The following BIRC6 variants were observed in gnomAD, a reference collection of about 807,000 sequenced individuals.
The protein encoded by BIRC6 is dual E2 ubiquitin-conjugating enzyme/E3 ubiquitin-protein ligase BIRC6.
In BIRC6, 98 loss-of-function variants were observed where a neutral mutation model predicts 503.3. The ratio of observed to expected loss-of-function variants is 0.19; its 90% CI spans 0.17 to 0.23. BIRC6 has a LOEUF of 0.23. Among genes scored for constraint, BIRC6 ranks in the 10% least tolerant of loss-of-function variants. The pLI is 1.00. For synonymous variants in BIRC6, 2,240 were observed against 2,078.7 expected, an observed-to-expected ratio of 1.08 and a Z score of -2.11; for missense variants, 5,360 against 5,806.0, an observed-to-expected ratio of 0.92 and a Z score of 2.50.
At chr2:32,369,972 ATATATATATATATG>A (rs1367510726) in intron 1 of BIRC6, among the ~76,000 whole-genome samples, 885 of 64,664 alleles carry the variant, frequency 0.014, 29 homozygotes, top group African/African-American at 0.026. Flanking sequence ...ATATATATAT[ATATATATATATATG>A]TATGTATGTA....
chr2:32,397,802 A>G (rs2040138367), intron 6 of BIRC6, among the ~76,000 whole-genome samples: 1 of 152,068 alleles, frequency 6.6e-6, no homozygotes, highest in Non-Finnish European at 1.5e-5. Flanking sequence ...GTTATACAGT[A>G]TTATCAAATA....
Position 32,500,041 on chromosome 2 carries a change from A to T in BIRC6, c.8963A>T (p.Gln2988Leu), listed in dbSNP as rs1242758057. 6.2e-7 allele frequency: 1 copy of T among 1,613,900 alleles called. No individual in the cohort carries two copies. The highest frequency in any genetic ancestry group is 2.2e-5 in the East Asian group (1 of 44,900). ...AYVADLVLANQQIMSQILSAL... is the reference protein window; with the variant it reads ...AYVADLVLANLQIMSQILSAL... The stretch of plus-strand genomic sequence containing the variant: ...GTTGCTGACTTAGTCTTAGCCAACC[A>T]ACAAATTATGAGCCAGATTTTGTCT... The change falls in exon 46 of 74, where the codon CAA becomes CTA. Residue 2988 changes from glutamine (Q) to leucine (L), a missense_variant. Coordinates refer to ENST00000421745, the MANE Select transcript of BIRC6 (RefSeq NM_016252.4).
intron 8 of BIRC6, among the ~76,000 whole-genome samples, chr2:32,403,621 T>C (rs1173031678): frequency 6.6e-6 from 1 of 152,196 alleles, no homozygotes; most frequent in Non-Finnish European, 1.5e-5. Context: ...TTTATGGGAT[T>C]GCTGTAAACC....
At chr2:32,414,689 A>G in intron 9 of BIRC6, 80 bp from the exon 10 acceptor site, 1 of 1,002,316 alleles carries the variant, frequency 1.0e-6, no homozygotes, top group East Asian at 2.9e-5. Flanking sequence ...ATAAATAAAT[A>G]AATAATTTTA....
At chr2:32,611,603 G>A in intron 73 of BIRC6, 21 bp downstream of exon 73, 1 of 1,531,912 alleles carries the variant, frequency 6.5e-7, no homozygotes, top group African/African-American at 1.4e-5. Context: ...CTCTCTAACA[G>A]GAGCCTTGTT....
chr2:32,430,805 CTTTT>C (rs370529825), intron 11 of BIRC6, 56 bp from the exon 12 acceptor site: 1,157 of 482,290 alleles, frequency 2.4e-3, no homozygotes, highest in East Asian at 3.5e-3. Flanking sequence ...TCATTGTCTT[CTTTT>C]TTTTTTTTTT....
intron 26 of BIRC6, among the ~76,000 whole-genome samples, chr2:32,467,236 A>G (rs1162974339): frequency 6.6e-6 from 1 of 152,104 alleles, no homozygotes; most frequent in Non-Finnish European, 1.5e-5. Context: ...GGCTCAAGCA[A>G]TTCTCCTGTC....
chr2:32,594,930 G>T, intron 67 of BIRC6, 104 bp from the exon 68 acceptor site: 1 of 640,958 alleles, frequency 1.6e-6, no homozygotes, highest in Non-Finnish European at 2.5e-6. Flanking sequence ...ACAATTTTTT[G>T]GAATTCACAA....
chr2:32,401,860 A>T (rs554456574), intron 8 of BIRC6, among the ~76,000 whole-genome samples: 3 of 152,334 alleles, frequency 2.0e-5, no homozygotes, highest in South Asian at 2.1e-4. Flanking sequence ...GTCAATTGGA[A>T]ATAATTGCCA....
chr2:32,615,216 T>A (rs1381326355), intron 73 of BIRC6, among the ~76,000 whole-genome samples: 4 of 152,144 alleles, frequency 2.6e-5, no homozygotes, highest in Non-Finnish European at 5.9e-5. Flanking sequence ...AACACAGGGA[T>A]TACATTTCAA....
Position 32,468,620 on chromosome 2 carries a change from T to C in BIRC6, c.5964T>C (p.His1988=), listed in dbSNP as rs750030542. ...TACAGCTTCAACTAAATTTGGCTCA[T>C]AATGCAGTGCAGAGGCTCAAAGTGG... is the stretch of plus-strand genomic sequence containing the variant. ...IQLQLQLNLA[H]NAVQRLKVAL... Residue 1988 remains histidine (H), a synonymous_variant, in exon 29 of 74, where the codon CAT becomes CAC. Coordinates refer to ENST00000421745, the MANE Select transcript of BIRC6 (RefSeq NM_016252.4). 2.5e-6 allele frequency: 4 copies of C among 1,614,004 alleles called. No individual in the cohort carries two copies. The highest frequency in any genetic ancestry group is 3.3e-5 in the Admixed American group (2 of 60,020).
chr2:32,447,330 C>T (rs1335002316), intron 21 of BIRC6, among the ~76,000 whole-genome samples: 14 of 146,164 alleles, frequency 9.6e-5, no homozygotes, highest in Admixed American at 1.4e-4. Context: ...TAGGGGCGGC[C>T]GGGCAGAAGC....
intron 1 of BIRC6, among the ~76,000 whole-genome samples, chr2:32,367,660 AC>A (rs1333941939): frequency 6.6e-6 from 1 of 151,840 alleles, no homozygotes; most frequent in Non-Finnish European, 1.5e-5. Flanking sequence ...TACTAAAAAT[AC>A]AAAAATTAGC....
In BIRC6 at chr2:32,578,523, C is replaced by T. The variant is rs148345953; in HGVS notation, c.13355+3157C>T. Among the ~76,000 whole-genome samples the T allele has an allele frequency of 6.6e-5, 10 of 152,210 alleles. No homozygotes were observed. In the East Asian group the frequency reaches 1.9e-3, roughly 29 times the overall value. ...AAATGCTGTGTATCACGGCCGGGTG[C>T]AGTGGCTCACGGCTGTAATCCCAGC... On this transcript the variant is annotated intron_variant, in intron 66 of 73. Transcript: ENST00000421745.
intron 65 of BIRC6, among the ~76,000 whole-genome samples, chr2:32,555,914 CAAAAA>C (rs372061622): frequency 1.2e-5 from 1 of 86,058 alleles, no homozygotes; most frequent in African/African-American, 4.3e-5. Context: ...GACCCTATCT[CAAAAA>C]AAAAAAAAAA....
intron 23 of BIRC6, among the ~76,000 whole-genome samples, chr2:32,461,843 G>A (rs1050650706): frequency 2.0e-5 from 3 of 151,896 alleles, no homozygotes; most frequent in Non-Finnish European, 2.9e-5. Context: ...TACCTCATAC[G>A]TATAATAGTA....
At chr2:32,485,515 A>G (rs1194133958) in intron 39 of BIRC6, 128 bp from the exon 40 acceptor site, 1 of 592,288 alleles carries the variant, frequency 1.7e-6, no homozygotes, top group Non-Finnish European at 3.0e-6. Context: ...ACTGCATGTT[A>G]GGTGGCTGTT....
intron 1 of BIRC6, among the ~76,000 whole-genome samples, chr2:32,373,066 A>G (rs1156370485): frequency 6.6e-6 from 1 of 152,228 alleles, no homozygotes; most frequent in Non-Finnish European, 1.5e-5. Context: ...TTAGAAATGT[A>G]TGAGAGTTCC....
intron 22 of BIRC6, among the ~76,000 whole-genome samples, chr2:32,450,014 A>G: frequency 6.6e-6 from 1 of 152,168 alleles, no homozygotes; most frequent in Non-Finnish European, 1.5e-5. Context: ...TATGATTGGA[A>G]CTAGTAGGAG....
Sources: gnomAD v4.1 joint callset for allele counts (sites outside exome capture counted in the v4.1 genomes callset) on GRCh38, gnomAD v4.1.1 for gene constraint, MANE v1.5 for transcripts, NCBI Gene and HGNC (gene_info 2026-07-23, HGNC 2026-07-21) for gene names.